Variants in ATP2A2 observed in about 807,000 individuals in gnomAD.
ATP2A2 encodes ATPase sarcoplasmic/endoplasmic reticulum Ca2+ transporting 2, also known as sarcoplasmic/endoplasmic reticulum calcium ATPase 2.
A neutral mutation model predicts 109.3 loss-of-function variants in ATP2A2; 14 were observed. The observed-to-expected ratio is 0.13, with a 90% CI of 0.08 to 0.20. ATP2A2 has a LOEUF of 0.20. Among genes scored for constraint, ATP2A2 ranks in the 10% least tolerant of loss-of-function variants. The pLI is 1.00. For synonymous variants in ATP2A2, 506 were observed against 490.9 expected, an observed-to-expected ratio of 1.03 and a Z score of -0.41; for missense variants, 657 against 1,321.6, an observed-to-expected ratio of 0.50 and a Z score of 7.80.
chr12:110,296,272 TGA>T, intron 4 of ATP2A2: 1 of 355,788 alleles, frequency 2.8e-6, no homozygotes. Flanking sequence ...CTGCCTCTCA[TGA>T]GACAGAATTG....
intron 5 of ATP2A2, among the ~76,000 whole-genome samples, chr12:110,305,671 C>T (rs983999752): frequency 5.3e-5 from 8 of 152,206 alleles, no homozygotes; most frequent in Non-Finnish European, 1.0e-4. Flanking sequence ...AAATTGGGAA[C>T]TTGGGAGTGT....
At chr12:110,301,666 G>A (rs994215474) in intron 5 of ATP2A2, among the ~76,000 whole-genome samples, 3 of 152,152 alleles carry the variant, frequency 2.0e-5, no homozygotes, top group Non-Finnish European at 4.4e-5. Context: ...GTGCCAGAGT[G>A]GTTTCTTAAA....
rs1436274418 is a variant in ATP2A2, at chr12:110,325,653, A to T, written c.545-737A>T. ...AAAAAAAAAAAAAAAGTAGTTCTTTATTTACCATGCGATCTTTCCAGTACA... is the reference window on the plus strand; with the variant it reads ...AAAAAAAAAAAAAAAGTAGTTCTTTTTTTACCATGCGATCTTTCCAGTACA... On this transcript the variant is annotated intron_variant, in intron 6 of 19. Transcript: ENST00000539276. 4 of 152,012 alleles carry T rather than the reference A, an allele frequency of 2.6e-5. No individual in the cohort carries two copies. The East Asian group carries it at 7.7e-4, about 29-fold the overall frequency. The allele number at this position is 152,012 out of a possible 1,614,324, so 9.4% of individuals were successfully genotyped here.
At position 110,329,214 on chromosome 12, in the gene ATP2A2, CTG is replaced by C. The variant is rs574716531; in HGVS notation, c.1095+1201_1095+1202del. Reference sequence around the variant, plus strand: ...TATAAATGATATGTAAATAGTTAAACTGTGTTGTTTAGGGATAGTTAACCTGT... The same window carrying C: ...TATAAATGATATGTAAATAGTTAAACTGTTGTTTAGGGATAGTTAACCTGT... On this transcript the variant is annotated intron_variant, in intron 8 of 19. Transcript: ENST00000539276. 1.6e-4 allele frequency among the ~76,000 whole-genome samples: 25 copies of C among 152,180 alleles called. No individual in the cohort carries two copies. The East Asian group carries it at 4.8e-3, about 29-fold the overall frequency.
At chr12:110,334,559 A>C (rs1878648067) in intron 11 of ATP2A2, among the ~76,000 whole-genome samples, 1 of 145,978 alleles carries the variant, frequency 6.9e-6, no homozygotes, top group Non-Finnish European at 1.5e-5. Context: ...GTCAGCTACC[A>C]CACTTTCTTT....
chr12:110,345,691 G>A (rs1879779992), intron 18 of ATP2A2: 3 of 569,234 alleles, frequency 5.3e-6, no homozygotes, highest in South Asian at 4.0e-5. Context: ...ACAGACAAAT[G>A]GTACCATCCA....
intron 6 of ATP2A2, 68 bp from the exon 7 acceptor site, chr12:110,326,322 A>C: frequency 7.1e-7 from 1 of 1,415,732 alleles, no homozygotes; most frequent in Non-Finnish European, 9.9e-7. Flanking sequence ...GGTGGGCATG[A>C]ATGAGAGGTT....
Position 110,339,206 on chromosome 12 carries a change from G to C in ATP2A2, c.1420-75G>C, listed in dbSNP as rs906393078. The C allele has an allele frequency of 6.4e-7, 1 of 1,573,734 alleles. No homozygotes were observed. The highest frequency in any genetic ancestry group is 1.4e-5 in the African/African-American group (1 of 73,966). On this transcript the variant is annotated intron_variant, in intron 11 of 19. Coordinates refer to ENST00000539276, the MANE Select transcript of ATP2A2 (RefSeq NM_170665.4). This position sits in a 1 kb window ranked among gnomAD's most constrained non-coding sequence, Gnocchi z 4.4. ...ATTCCTAGCATCTGTCATGTAATAG[G>C]TGTGCTTACTGCTTGTTAGGTAAAA...
rs766248271 is a variant in ATP2A2 at position 110,340,877 on chromosome 12, C to G, written c.1980C>G (p.Leu660=). ...TCACAGGCCGGGAGTTTGATGAACTCAACCCCTCCGCCCAGCGAGACGCCT... is the reference window on the plus strand; with the variant it reads ...TCACAGGCCGGGAGTTTGATGAACTGAACCCCTCCGCCCAGCGAGACGCCT... ...KAFTGREFDE[L]NPSAQRDACL... is the part of the protein sequence containing the mutation. Residue 660 remains leucine, a synonymous_variant, in exon 14 of 20, where the codon CTC becomes CTG. Coordinates refer to ENST00000539276, the MANE Select transcript of ATP2A2 (RefSeq NM_170665.4). The surrounding 1 kb of genome is among the most constrained non-coding windows in gnomAD (Gnocchi z 6.0). 3 of 1,614,242 alleles carry G rather than the reference C, an allele frequency of 1.9e-6. No homozygotes were observed. Among genetic ancestry groups the G allele is most frequent in the South Asian group, 1.1e-5 (1 of 91,084 alleles).
At position 110,324,737 on chromosome 12, in the gene ATP2A2, C is replaced by CCT. The variant is rs1232496797; in HGVS notation, c.545-1652_545-1651dup. ...TTTAGGCTGGTCACGGTGGCTCATG[C>CCT]CTGTAATTTCAGGACTTTGGGAGGC... On this transcript the variant is annotated intron_variant, in intron 6 of 19. Coordinates refer to ENST00000539276, the MANE Select transcript of ATP2A2 (RefSeq NM_170665.4). Among the ~76,000 whole-genome samples, 4 of 151,806 alleles carry CCT rather than the reference C, an allele frequency of 2.6e-5. No homozygotes were observed. In the South Asian group the frequency reaches 6.3e-4, roughly 24 times the overall value.
chr12:110,325,650 T>G (rs1877719945), intron 6 of ATP2A2, among the ~76,000 whole-genome samples: 1 of 151,760 alleles, frequency 6.6e-6, no homozygotes, highest in Non-Finnish European at 1.5e-5. Flanking sequence ...AAAGTAGTTC[T>G]TTATTTACCA....
chr12:110,338,900 G>C (rs780643926), intron 11 of ATP2A2, among the ~76,000 whole-genome samples: 11 of 152,126 alleles, frequency 7.2e-5, no homozygotes, highest in Admixed American at 2.0e-4. Context: ...TACCATTCCA[G>C]GACTTGCCAG....
chr12:110,314,394 A>C (rs1195399017), intron 5 of ATP2A2, among the ~76,000 whole-genome samples: 2 of 152,180 alleles, frequency 1.3e-5, no homozygotes, highest in African/African-American at 2.4e-5. Context: ...GAAAAATACA[A>C]GATTGAGAGA....
chr12:110,297,058 G>T (rs545938001), intron 5 of ATP2A2, among the ~76,000 whole-genome samples: 2 of 152,314 alleles, frequency 1.3e-5, no homozygotes, highest in African/African-American at 2.4e-5. Context: ...TGAACAATTT[G>T]TTAGAATACT....
chr12:110,312,228 C>T (rs939305584), intron 5 of ATP2A2, among the ~76,000 whole-genome samples: 4 of 151,992 alleles, frequency 2.6e-5, no homozygotes, highest in Non-Finnish European at 4.4e-5. Flanking sequence ...TAAGATTTTG[C>T]ACACTGCTTA....
chr12:110,319,106 G>A (rs1329791860), intron 5 of ATP2A2, among the ~76,000 whole-genome samples: 1 of 151,862 alleles, frequency 6.6e-6, no homozygotes, highest in Non-Finnish European at 1.5e-5. Flanking sequence ...TTACTTGGGA[G>A]GCTGAGGTGG....
At chr12:110,283,739 G>A (rs1326939069) in intron 3 of ATP2A2, among the ~76,000 whole-genome samples, 1 of 152,116 alleles carries the variant, frequency 6.6e-6, no homozygotes, top group Non-Finnish European at 1.5e-5. Flanking sequence ...TTCACCCAGT[G>A]CAGTACTTCT....
At position 110,347,176 on chromosome 12, in the gene ATP2A2, T is replaced by C. The variant is rs1056829245; in HGVS notation, c.*706T>C. Reference sequence around the variant, plus strand: ...TGTTCCAGATTCAATCGACTGGGTTTATGTCCCTTCACATAGTTTTTAAGG... The same window carrying C: ...TGTTCCAGATTCAATCGACTGGGTTCATGTCCCTTCACATAGTTTTTAAGG... On this transcript the variant is annotated 3_prime_UTR_variant, in exon 20 of 20. Transcript: ENST00000539276. 13 of 1,191,124 alleles carry C rather than the reference T, an allele frequency of 1.1e-5. No individual in the cohort carries two copies. The highest frequency in any genetic ancestry group is 1.4e-5 in the Non-Finnish European group (13 of 944,264). 73.8% of individuals were successfully genotyped at this position (1,191,124 alleles called of 1,614,324 possible).
intron 5 of ATP2A2, among the ~76,000 whole-genome samples, chr12:110,297,599 T>G (rs1874106187): frequency 6.6e-6 from 1 of 151,788 alleles, no homozygotes; most frequent in Non-Finnish European, 1.5e-5. Flanking sequence ...TGCTGTAGAT[T>G]AGTGCTGTTT....
Sources: allele counts gnomAD v4.1 joint callset (sites outside exome capture counted in the v4.1 genomes callset), GRCh38; gene constraint gnomAD v4.1.1; non-coding constraint Gnocchi (gnomAD v3.1); transcripts MANE v1.5; gene names NCBI Gene and HGNC (gene_info 2026-07-23, HGNC 2026-07-21).